Variants in MED12L observed in about 807,000 individuals in gnomAD.
MED12L encodes the protein mediator of RNA polymerase II transcription subunit 12-like protein.
In MED12L, 60 loss-of-function variants were observed where a neutral mutation model predicts 281.3. The ratio of observed to expected loss-of-function variants is 0.21; its 90% CI spans 0.17 to 0.26. The LOEUF (loss-of-function observed/expected upper bound fraction) is 0.26, where lower values mean the gene tolerates loss of function less well. Among genes scored for constraint, MED12L ranks in the 10% least tolerant of loss-of-function variants. The pLI is 1.00. For synonymous variants in MED12L, 974 were observed against 987.2 expected, an observed-to-expected ratio of 0.99 and a Z score of 0.25; for missense variants, 2,146 against 2,680.9, an observed-to-expected ratio of 0.80 and a Z score of 4.41.
intron 38 of MED12L, among the ~76,000 whole-genome samples, chr3:151,390,777 A>C (rs1042203002): frequency 5.9e-5 from 9 of 152,208 alleles, no homozygotes; most frequent in African/African-American, 2.2e-4. Flanking sequence ...ATAATTTTTT[A>C]AATTTTTCTA....
chr3:151,390,004 G>T lies in MED12L; in HGVS notation c.5477G>T (p.Arg1826Leu). 6.2e-7 allele frequency: 1 copy of T among 1,614,026 alleles called. No individual in the cohort carries two copies. Among genetic ancestry groups the T allele is most frequent in the Non-Finnish European group, 8.5e-7 (1 of 1,179,966 alleles). The change falls in exon 38 of 45, where the codon CGA (arginine) becomes CTA (leucine). Residue 1826 changes from arginine to leucine, a missense_variant. Coordinates refer to ENST00000687756, the MANE Select transcript of MED12L (RefSeq NM_001393769.1). ...GAATATCCACAGAGCAACATATACC[G>T]AGTGCCTCCTAATTACTCGCCTATC... ...VDEYPQSNIY[R>L]VPPNYSPISS...
chr3:151,378,246 G>A, intron 31 of MED12L, 73 bp downstream of exon 31: 1 of 1,413,910 alleles, frequency 7.1e-7, no homozygotes. Context: ...CTGTAAACCT[G>A]TGTGGTCACT....
intron 11 of MED12L, among the ~76,000 whole-genome samples, chr3:151,175,590 G>T (rs923316120): frequency 6.6e-6 from 1 of 152,122 alleles, no homozygotes; most frequent in African/African-American, 2.4e-5. Flanking sequence ...TCTAAAGGAA[G>T]CCTGCCTCTC....
intron 16 of MED12L, among the ~76,000 whole-genome samples, chr3:151,318,150 A>G (rs1022836840): frequency 6.7e-6 from 1 of 148,812 alleles, no homozygotes; most frequent in African/African-American, 2.5e-5. Flanking sequence ...TTTTTTTTTT[A>G]CATTCTGCTT....
intron 2 of MED12L, among the ~76,000 whole-genome samples, chr3:151,109,920 T>G (rs1711603687): frequency 6.6e-6 from 1 of 152,210 alleles, no homozygotes; most frequent in Non-Finnish European, 1.5e-5. Context: ...CTTGACTAAC[T>G]GTTGTGTGTG....
At chr3:151,160,347 A>G (rs1365833524) in intron 8 of MED12L, among the ~76,000 whole-genome samples, 1 of 152,210 alleles carries the variant, frequency 6.6e-6, no homozygotes, top group Non-Finnish European at 1.5e-5. Context: ...TAAGCAGTTC[A>G]ATTAAAAATC....
intron 16 of MED12L, chr3:151,338,668 T>C: frequency 6.2e-7 from 1 of 1,613,810 alleles, no homozygotes; most frequent in South Asian, 1.1e-5. Context: ...AGAAAAATAA[T>C]AAAGTTTGAT....
intron 16 of MED12L, chr3:151,199,301 A>G (rs750456669): frequency 6.2e-7 from 1 of 1,613,908 alleles, no homozygotes; most frequent in Non-Finnish European, 8.5e-7. Context: ...ACTTCCAATA[A>G]TTCCAACAAG....
intron 2 of MED12L, among the ~76,000 whole-genome samples, chr3:151,094,730 G>A (rs1332366009): frequency 6.6e-6 from 1 of 152,212 alleles, no homozygotes; most frequent in Non-Finnish European, 1.5e-5. Flanking sequence ...ATCTCTGGGG[G>A]ATAGGATTAA....
intron 16 of MED12L, among the ~76,000 whole-genome samples, chr3:151,309,340 T>C (rs1376139999): frequency 6.6e-6 from 1 of 152,216 alleles, no homozygotes; most frequent in Non-Finnish European, 1.5e-5. Flanking sequence ...ATTTGTATTA[T>C]CTTAATATTT....
intron 39 of MED12L, among the ~76,000 whole-genome samples, chr3:151,398,640 A>G (rs1353150868): frequency 6.6e-6 from 1 of 152,236 alleles, no homozygotes; most frequent in Non-Finnish European, 1.5e-5. Flanking sequence ...GCTTTAGTGC[A>G]TATGGACATG....
At chr3:151,335,088 G>T (rs1750810517) in intron 16 of MED12L, among the ~76,000 whole-genome samples, 1 of 151,960 alleles carries the variant, frequency 6.6e-6, no homozygotes, top group Non-Finnish European at 1.5e-5. Context: ...GTCAAATCAG[G>T]GTAACTGGGA....
intron 11 of MED12L, among the ~76,000 whole-genome samples, chr3:151,170,399 C>G (rs879856521): frequency 6.6e-6 from 1 of 151,826 alleles, no homozygotes; most frequent in Admixed American, 6.6e-5. Flanking sequence ...CTCAGCCTCC[C>G]GAGTAGCTGG....
chr3:151,112,282 C>CTTTTT (rs11330453), intron 2 of MED12L, among the ~76,000 whole-genome samples: 1 of 133,360 alleles, frequency 7.5e-6, no homozygotes, highest in African/African-American at 3.0e-5. Flanking sequence ...ATTTCTTTTT[C>CTTTTT]TTTTTTTTTT....
At chr3:151,148,254 C>T (rs1364007780) in intron 5 of MED12L, among the ~76,000 whole-genome samples, 1 of 152,136 alleles carries the variant, frequency 6.6e-6, no homozygotes, top group Non-Finnish European at 1.5e-5. Flanking sequence ...CTAGATCCAA[C>T]TCCTTTATAT....
At chr3:151,282,940 A>T (rs1349343987) in intron 16 of MED12L, among the ~76,000 whole-genome samples, 2 of 152,188 alleles carry the variant, frequency 1.3e-5, no homozygotes, top group East Asian at 3.8e-4. Context: ...AGAGTAGTGG[A>T]GAAAGGGGGC....
At chr3:151,390,961 C>T (rs1714144395) in intron 38 of MED12L, among the ~76,000 whole-genome samples, 1 of 152,170 alleles carries the variant, frequency 6.6e-6, no homozygotes, top group Non-Finnish European at 1.5e-5. Context: ...CACTCTCTTG[C>T]TGTATAATCT....
chr3:151,382,479 A>G (rs1251079848), intron 32 of MED12L, among the ~76,000 whole-genome samples, 177 bp from the exon 33 acceptor site: 1 of 152,194 alleles, frequency 6.6e-6, no homozygotes, highest in Non-Finnish European at 1.5e-5. Flanking sequence ...CAAATGCACA[A>G]ATAAATAGCC....
intron 16 of MED12L, among the ~76,000 whole-genome samples, chr3:151,194,708 T>G (rs1467702520): frequency 6.6e-6 from 1 of 152,224 alleles, no homozygotes; most frequent in African/African-American, 2.4e-5. Flanking sequence ...TGCTTTATTC[T>G]AAAGTGTAAC....
Sources: gnomAD v4.1 joint callset for allele counts (sites outside exome capture counted in the v4.1 genomes callset) on GRCh38, gnomAD v4.1.1 for gene constraint, MANE v1.5 for transcripts, NCBI Gene and HGNC (gene_info 2026-07-23, HGNC 2026-07-21) for gene names.